The following AFF3 variants were observed in gnomAD, a reference collection of about 807,000 sequenced individuals.
The protein encoded by AFF3 is ALF transcription elongation factor 3.
In AFF3, 32 loss-of-function variants were observed where a neutral mutation model predicts 129.7. That is an observed-to-expected ratio of 0.25 (90% CI 0.19 to 0.33). The LOEUF (loss-of-function observed/expected upper bound fraction) is 0.33. Ranked by LOEUF, AFF3 falls within the 10% of genes least tolerant of loss-of-function variation. The probability of loss-of-function intolerance (pLI) is 1.00; values close to 1 mark genes in which losing one functional copy is unlikely to be tolerated. For missense variants in AFF3, 1,373 were observed against 1,592.0 expected, an observed-to-expected ratio of 0.86 and a Z score of 2.34; for synonymous variants, 644 against 635.4, an observed-to-expected ratio of 1.01 and a Z score of -0.20.
At chr2:99,747,623 T>C (rs1681275084) in intron 9 of AFF3, among the ~76,000 whole-genome samples, 1 of 152,174 alleles carries the variant, frequency 6.6e-6, no homozygotes, top group Admixed American at 6.5e-5. Flanking sequence ...GATAGTAAAC[T>C]TTAAATTTTA....
intron 11 of AFF3, among the ~76,000 whole-genome samples, chr2:99,725,155 G>C (rs188570819): frequency 7.9e-5 from 12 of 151,244 alleles, no homozygotes; most frequent in Middle Eastern, 3.4e-3. Context: ...TTGTATTTTT[G>C]GTAGAGATGG....
At chr2:99,890,148 C>A (rs1013907490) in intron 7 of AFF3, among the ~76,000 whole-genome samples, 1 of 152,196 alleles carries the variant, frequency 6.6e-6, no homozygotes, top group African/African-American at 2.4e-5. Context: ...TACCAGCATA[C>A]GCCTGGAGTG....
intron 13 of AFF3, among the ~76,000 whole-genome samples, chr2:99,640,687 G>A (rs1684113520): frequency 6.6e-6 from 1 of 150,772 alleles, no homozygotes; most frequent in South Asian, 2.1e-4. Context: ...TTGTATTCTT[G>A]GTCTTACTGC....
At chr2:100,036,464 C>A (rs1573205859) in intron 4 of AFF3, among the ~76,000 whole-genome samples, 1 of 151,836 alleles carries the variant, frequency 6.6e-6, no homozygotes, top group African/African-American at 2.4e-5. Context: ...TCCTACCTTG[C>A]ATTTAAAAAA....
At chr2:99,912,190 T>C (rs1227633289) in intron 7 of AFF3, among the ~76,000 whole-genome samples, 2 of 152,224 alleles carry the variant, frequency 1.3e-5, no homozygotes, top group Non-Finnish European at 2.9e-5. Context: ...GACTGTCCTA[T>C]TTATTAACAT....
At chr2:99,959,813 T>C (rs1347570392) in intron 7 of AFF3, among the ~76,000 whole-genome samples, 2 of 151,768 alleles carry the variant, frequency 1.3e-5, no homozygotes, top group East Asian at 3.9e-4. Flanking sequence ...GCTAAATCCA[T>C]GTTCACAATA....
intron 8 of AFF3, among the ~76,000 whole-genome samples, chr2:99,776,273 G>A (rs752258758): frequency 1.3e-5 from 2 of 152,122 alleles, no homozygotes; most frequent in Non-Finnish European, 2.9e-5. Context: ...TTAAAACAAA[G>A]GTTTAAAAAA....
Position 99,902,221 on chromosome 2 carries a change from A to G in AFF3, c.874-64697T>C, listed in dbSNP as rs1421476049. Among the ~76,000 whole-genome samples, 4 of 152,050 alleles carry G rather than the reference A, an allele frequency of 2.6e-5. 1 individual carries two copies. The South Asian group carries it at 6.2e-4, about 24-fold the overall frequency. On this transcript the variant is annotated intron_variant, in intron 7 of 24. Coordinates refer to ENST00000672756, the MANE Select transcript of AFF3 (RefSeq NM_001386135.1). ...CTTTAATAAATAGTATAAATAATTT[A>G]TAGCCCTGTAAATTCTTAAAATCTG...
At chr2:99,887,743 T>C (rs1404598813) in intron 7 of AFF3, among the ~76,000 whole-genome samples, 2 of 152,270 alleles carry the variant, frequency 1.3e-5, no homozygotes, top group Non-Finnish European at 2.9e-5. Flanking sequence ...TGAGTTCTTA[T>C]TGCAAAAGGC....
intron 8 of AFF3, among the ~76,000 whole-genome samples, chr2:99,755,271 T>A (rs1681995561): frequency 7.0e-6 from 1 of 141,886 alleles, no homozygotes; most frequent in African/African-American, 2.5e-5. Flanking sequence ...TATTTTCCTA[T>A]TTTTTTTTTT....
chr2:99,648,121 C>T (rs11684088), intron 13 of AFF3, among the ~76,000 whole-genome samples: 130,167 of 152,096 alleles, frequency 0.86, 55,818 homozygotes, highest in East Asian at 0.93. Context: ...CCTTTTTTTT[C>T]CTGTATTTAT....
At chr2:99,976,068 A>AATGAAATTGTATGG in intron 7 of AFF3, among the ~76,000 whole-genome samples, 1 of 152,160 alleles carries the variant, frequency 6.6e-6, no homozygotes, top group East Asian at 1.9e-4. Flanking sequence ...TACAATGCTC[A>AATGAAATTGTATGG]CAGCATTGCA....
At chr2:99,739,234 C>G (rs1010344979) in intron 10 of AFF3, among the ~76,000 whole-genome samples, 1 of 151,948 alleles carries the variant, frequency 6.6e-6, no homozygotes, top group African/African-American at 2.4e-5. Flanking sequence ...GGGGCTGTTC[C>G]CACCACCACT....
intron 12 of AFF3, among the ~76,000 whole-genome samples, chr2:99,652,631 C>T (rs1685367953): frequency 6.6e-6 from 1 of 152,014 alleles, no homozygotes; most frequent in Non-Finnish European, 1.5e-5. Flanking sequence ...GTTGGAGAGT[C>T]CGACATTCTG....
At chr2:99,703,256 T>TCAAAGC (rs1228864590) in intron 11 of AFF3, among the ~76,000 whole-genome samples, 1 of 152,186 alleles carries the variant, frequency 6.6e-6, no homozygotes, top group Non-Finnish European at 1.5e-5. Flanking sequence ...TTTTCCATCT[T>TCAAAGC]CAAAGCCAGC....
intron 13 of AFF3, among the ~76,000 whole-genome samples, chr2:99,647,455 A>C (rs1575590955): frequency 6.6e-6 from 1 of 152,246 alleles, no homozygotes; most frequent in East Asian, 1.9e-4. Flanking sequence ...GAGACCCATG[A>C]CGGGGAAACA....
At chr2:99,806,923 T>C (rs1302233606) in intron 8 of AFF3, among the ~76,000 whole-genome samples, 1 of 152,148 alleles carries the variant, frequency 6.6e-6, no homozygotes, top group East Asian at 1.9e-4. Context: ...GACATACTCC[T>C]GGAATGTGGC....
intron 7 of AFF3, among the ~76,000 whole-genome samples, chr2:99,957,077 T>C (rs975450674): frequency 6.6e-6 from 1 of 152,178 alleles, no homozygotes; most frequent in East Asian, 1.9e-4. Context: ...GCCTGTGAAA[T>C]CTGAAAGGGG....
intron 8 of AFF3, among the ~76,000 whole-genome samples, chr2:99,769,588 G>A (rs1440802654): frequency 6.6e-6 from 1 of 152,154 alleles, no homozygotes; most frequent in Non-Finnish European, 1.5e-5. Context: ...TGAATAATTA[G>A]GTCCTTATTG....
Sources: allele counts gnomAD v4.1 joint callset (sites outside exome capture counted in the v4.1 genomes callset), GRCh38; gene constraint gnomAD v4.1.1; transcripts MANE v1.5; gene names NCBI Gene and HGNC (gene_info 2026-07-23, HGNC 2026-07-21).